MYO18B: variants seen among roughly 807,000 people sequenced by gnomAD.
The protein encoded by MYO18B is unconventional myosin-XVIIIb.
Under a neutral mutation model 273.0 loss-of-function variants are expected in MYO18B, and 204 were observed. That is an observed-to-expected ratio of 0.75 (90% CI 0.67 to 0.84). The LOEUF is 0.84. MYO18B is among the 40% of genes least tolerant of loss of function. The pLI, the probability that MYO18B is intolerant of heterozygous loss-of-function variation, is 0.00. For missense variants in MYO18B, 3,212 were observed against 3,287.6 expected (o/e 0.98, Z 0.56); for synonymous variants, 1,330 against 1,305.7 (o/e 1.02, Z -0.40).
At chr22:25,848,342 A>G (rs1406437323) in intron 20 of MYO18B, among the ~76,000 whole-genome samples, 2 of 152,186 alleles carry the variant, frequency 1.3e-5, no homozygotes, top group African/African-American at 4.8e-5. Flanking sequence ...GGGAAAGCTC[A>G]CAGTGATGTA....
intron 19 of MYO18B, among the ~76,000 whole-genome samples, chr22:25,846,986 A>G (rs1191515596): frequency 6.6e-6 from 1 of 151,920 alleles, no homozygotes; most frequent in Non-Finnish European, 1.5e-5. Flanking sequence ...AGGCTGAGGC[A>G]GGAGAATTGC....
In MYO18B at chr22:25,761,112, T is replaced by G. The variant is rs376783532; in HGVS notation, c.20T>G (p.Leu7Arg). Residue 7 changes from leucine to arginine, a missense_variant, in exon 2 of 44, where the codon CTC becomes CGC. Leu to Arg is a moderately radical substitution (Grantham distance 102). Coordinates refer to ENST00000335473, the MANE Select transcript of MYO18B (RefSeq NM_032608.7). MAISSR[L>R]ALWEQKIREE... ...CTCAGCATGGCCATCTCATCACGCC[T>G]CGCCCTGTGGGAGCAGAAGGAAAGT... 1.0e-4 allele frequency: 161 copies of G among 1,613,338 alleles called. No homozygotes were observed. The highest frequency in any genetic ancestry group is 1.6e-4 in the Middle Eastern group (1 of 6,084).
chr22:25,806,542 G>A (rs889672110), intron 12 of MYO18B, among the ~76,000 whole-genome samples: 1 of 152,168 alleles, frequency 6.6e-6, no homozygotes, highest in Non-Finnish European at 1.5e-5. Flanking sequence ...AGCGGGAGGG[G>A]GCTCTGAGGG....
chr22:25,754,428 A>G (rs1049256206), intron 1 of MYO18B, among the ~76,000 whole-genome samples: 3 of 152,114 alleles, frequency 2.0e-5, no homozygotes, highest in African/African-American at 7.2e-5. Context: ...GACAGGTGCT[A>G]TGTTACAACT....
At chr22:25,865,559 G>A (rs936662293) in intron 21 of MYO18B, among the ~76,000 whole-genome samples, 1 of 152,202 alleles carries the variant, frequency 6.6e-6, no homozygotes, top group Admixed American at 6.5e-5. Flanking sequence ...TATGCCAGGT[G>A]CTATGTAGCC....
downstream of MYO18B, among the ~76,000 whole-genome samples, chr22:26,031,224 A>G (rs946199021): frequency 6.6e-6 from 1 of 151,978 alleles, no homozygotes; most frequent in African/African-American, 2.4e-5. Context: ...TCCTACCCCA[A>G]ATTTGTCTCC....
chr22:25,807,246 G>A (rs1428411285), intron 12 of MYO18B, among the ~76,000 whole-genome samples: 1 of 152,216 alleles, frequency 6.6e-6, no homozygotes, highest in Non-Finnish European at 1.5e-5. Flanking sequence ...TCTTTACACA[G>A]CTTAGCAGAA....
chr22:25,745,949 G>A (rs1274949598), intron 1 of MYO18B, among the ~76,000 whole-genome samples: 4 of 152,150 alleles, frequency 2.6e-5, no homozygotes, highest in South Asian at 4.1e-4. Flanking sequence ...GAGCTTGGGC[G>A]TGAGTTATTA....
chr22:25,961,011 A>C (rs1307079305), intron 39 of MYO18B, among the ~76,000 whole-genome samples: 1 of 152,130 alleles, frequency 6.6e-6, no homozygotes, highest in African/African-American at 2.4e-5. Flanking sequence ...AGAGAAAGAA[A>C]GAAAGAGGAA....
At chr22:26,010,438 A>ACCCTG (rs1934817915) in intron 42 of MYO18B, among the ~76,000 whole-genome samples, 1 of 152,222 alleles carries the variant, frequency 6.6e-6, no homozygotes, top group Admixed American at 6.5e-5. Context: ...ACATACTTCA[A>ACCCTG]GAAAGTAAAG....
chr22:25,794,340 G>A (rs2087811399), intron 11 of MYO18B, among the ~76,000 whole-genome samples: 1 of 151,868 alleles, frequency 6.6e-6, no homozygotes, highest in Admixed American at 6.6e-5. Context: ...CTAAGTAGCT[G>A]GGACTACAGG....
intron 23 of MYO18B, among the ~76,000 whole-genome samples, chr22:25,875,826 T>C (rs1033183844): frequency 9.2e-5 from 14 of 152,228 alleles, no homozygotes; most frequent in African/African-American, 3.4e-4. Flanking sequence ...GATTTTTCAG[T>C]GGCAGTTTTT....
intron 22 of MYO18B, among the ~76,000 whole-genome samples, 168 bp downstream of exon 22, chr22:25,868,553 G>C (rs1354729520): frequency 1.3e-5 from 2 of 152,168 alleles, no homozygotes; most frequent in Admixed American, 1.3e-4. Context: ...AGGTCCTGGA[G>C]AGACAATGTC....
chr22:25,908,478 C>A, intron 32 of MYO18B, 46 bp downstream of exon 32: 2 of 1,489,502 alleles, frequency 1.3e-6, no homozygotes, highest in South Asian at 2.4e-5. Flanking sequence ...CCTGGCAGGT[C>A]TGGCATGGAT....
At chr22:25,778,726 A>C (rs2087015039) in intron 8 of MYO18B, among the ~76,000 whole-genome samples, 1 of 151,646 alleles carries the variant, frequency 6.6e-6, no homozygotes, top group Non-Finnish European at 1.5e-5. Context: ...TCCTGGGCTC[A>C]AGTGATCCAC....
chr22:26,020,123 C>A (rs753168059), intron 42 of MYO18B, among the ~76,000 whole-genome samples: 1 of 152,112 alleles, frequency 6.6e-6, no homozygotes, highest in Non-Finnish European at 1.5e-5. Context: ...GTTTTCTCAC[C>A]ACTGAGCCTC....
chr22:25,912,473 AT>A (rs1311081649), intron 33 of MYO18B, among the ~76,000 whole-genome samples: 4 of 152,250 alleles, frequency 2.6e-5, no homozygotes, highest in African/African-American at 7.2e-5. Flanking sequence ...TAAATTTTAC[AT>A]GTAAAGAGAA....
chr22:26,002,397 G>T (rs1368033348), intron 40 of MYO18B, among the ~76,000 whole-genome samples: 2 of 152,150 alleles, frequency 1.3e-5, no homozygotes, highest in Admixed American at 6.6e-5. Context: ...GGTCCAGAAG[G>T]GATGTTGGTC....
At chr22:25,780,254 C>T (rs2087085043) in intron 9 of MYO18B, 56 bp downstream of exon 9, 3 of 1,549,240 alleles carry the variant, frequency 1.9e-6, no homozygotes, top group African/African-American at 1.4e-5. Flanking sequence ...TGTCTCTAAC[C>T]CCGGGACTCA....
Sources: allele counts gnomAD v4.1 joint callset (sites outside exome capture counted in the v4.1 genomes callset), GRCh38; gene constraint gnomAD v4.1.1; transcripts MANE v1.5; gene names NCBI Gene and HGNC (gene_info 2026-07-23, HGNC 2026-07-21).